SMG6: variants seen among roughly 807,000 people sequenced by gnomAD.
SMG6 encodes telomerase-binding protein EST1A.
Under a neutral mutation model 142.2 loss-of-function variants are expected in SMG6, and 66 were observed. The observed-to-expected ratio is 0.46, with a 90% CI of 0.38 to 0.57. The LOEUF is 0.57. Ranked by LOEUF, SMG6 falls within the 20% of genes least tolerant of loss-of-function variation. The pLI, the probability that SMG6 is intolerant of heterozygous loss-of-function variation, is 0.00. For synonymous variants in SMG6, 779 were observed against 702.4 expected, an observed-to-expected ratio of 1.11 and a Z score of -1.72; for missense variants, 1,793 against 1,832.0, an observed-to-expected ratio of 0.98 and a Z score of 0.39.
intron 13 of SMG6, among the ~76,000 whole-genome samples, chr17:2,098,641 G>A (rs892301702): frequency 2.6e-5 from 4 of 151,958 alleles, no homozygotes; most frequent in Non-Finnish European, 5.9e-5. Context: ...TTTTGTTGTT[G>A]TTGTTGTTGA....
At chr17:2,106,324 G>A (rs909384463) in intron 13 of SMG6, among the ~76,000 whole-genome samples, 4 of 152,114 alleles carry the variant, frequency 2.6e-5, no homozygotes, top group African/African-American at 9.7e-5. Context: ...ATTGTTCCAT[G>A]CCCTGTTATG....
At chr17:2,129,221 G>C (rs1464699179) in intron 13 of SMG6, among the ~76,000 whole-genome samples, 3 of 152,224 alleles carry the variant, frequency 2.0e-5, no homozygotes, top group Non-Finnish European at 1.5e-5. Context: ...AGTTACTCAG[G>C]AGGGTGAGGT....
chr17:2,214,853 C>T (rs915125650), intron 10 of SMG6, among the ~76,000 whole-genome samples: 22 of 152,170 alleles, frequency 1.4e-4, no homozygotes, highest in African/African-American at 4.8e-4. Flanking sequence ...AAACCTGTGA[C>T]GGACACCATT....
At chr17:2,242,455 G>A (rs1316550654) in intron 9 of SMG6, among the ~76,000 whole-genome samples, 4 of 150,276 alleles carry the variant, frequency 2.7e-5, no homozygotes, top group South Asian at 4.1e-4. Context: ...GCATGAACCC[G>A]GGAGGCGGAG....
Position 2,282,678 on chromosome 17 carries a change from T to C in SMG6, c.2630A>G (p.Glu877Gly). ...GTESGKDSEQ[E>G]NGLGSLSPSD... ...GGGACTCAGGCTGCCCAGCCCATTC[T>C]CTTGCTCAGAATCCTTCCCAGACTC... Residue 877 changes from glutamate (E) to glycine (G), a missense_variant, in exon 8 of 19, where the codon GAG (glutamate) becomes GGG (glycine). Glu to Gly is a moderately conservative substitution (Grantham distance 98). This residue lies in a region of SMG6 where 1,597 missense variants were observed against 1,584.6 expected (regional missense o/e 1.01). Transcript: ENST00000263073. 1.2e-6 allele frequency: 2 copies of C among 1,614,052 alleles called. No individual in the cohort carries two copies. The highest frequency in any genetic ancestry group is 1.7e-6 in the Non-Finnish European group (2 of 1,179,966).
In SMG6 at chr17:2,202,710, T is replaced by G. The variant is rs549892901; in HGVS notation, c.2870-14195A>C. ...TAACAAAGCCTTGGACAAGGTGTTT[T>G]GCGTATTTTATCTAACACTCAGAAA... On this transcript the variant is annotated intron_variant, in intron 10 of 18. Coordinates refer to ENST00000263073, the MANE Select transcript of SMG6 (RefSeq NM_017575.5). Among the ~76,000 whole-genome samples, 8 of 152,314 alleles carry G rather than the reference T, an allele frequency of 5.3e-5. No homozygotes were observed. In the East Asian group the frequency reaches 1.5e-3, roughly 29 times the overall value.
At chr17:2,089,660 C>G (rs556170519) in intron 13 of SMG6, 1 of 152,018 alleles carries the variant, frequency 6.6e-6, no homozygotes. Flanking sequence ...CAAGTCCACA[C>G]GCAAAGAACC....
chr17:2,239,855 A>G (rs756823279), intron 9 of SMG6: 5 of 152,268 alleles, frequency 3.3e-5, no homozygotes, highest in Non-Finnish European at 7.3e-5. Context: ...TCAGTCTTTG[A>G]ATTCCAAGAG....
intron 15 of SMG6, among the ~76,000 whole-genome samples, chr17:2,077,584 C>A (rs1218502599): frequency 1.3e-5 from 2 of 152,224 alleles, no homozygotes; most frequent in East Asian, 3.8e-4. Flanking sequence ...GCAGGAGGGC[C>A]TTAGTGTCTG....
intron 6 of SMG6, among the ~76,000 whole-genome samples, chr17:2,289,033 T>C (rs906380633): frequency 6.8e-6 from 1 of 146,180 alleles, no homozygotes; most frequent in Admixed American, 6.9e-5. Flanking sequence ...GAGCCGAGAT[T>C]GCGCCACTGC....
chr17:2,068,648 A>G lies in SMG6; in HGVS notation c.3835+130T>C. On this transcript the variant is annotated intron_variant, in intron 16 of 18. Coordinates refer to ENST00000263073, the MANE Select transcript of SMG6 (RefSeq NM_017575.5). This position sits in a 1 kb window ranked among gnomAD's most constrained non-coding sequence, Gnocchi z 6.7. The stretch of plus-strand genomic sequence containing the variant: ...GTTTTCTTTGCCCCACGCGTTCCCT[A>G]CTCCCCTGCAAATCCCATCTTACAC... The G allele has an allele frequency of 1.1e-6, 1 of 894,008 alleles. No homozygotes were observed. Among genetic ancestry groups the G allele is most frequent in the South Asian group, 1.7e-5 (1 of 58,012 alleles). 55.4% of individuals were successfully genotyped at this position (894,008 alleles called of 1,614,324 possible).
intron 14 of SMG6, among the ~76,000 whole-genome samples, chr17:2,084,724 C>A (rs968451693): frequency 6.6e-6 from 1 of 152,182 alleles, no homozygotes; most frequent in South Asian, 2.1e-4. Context: ...GAATCGCTTC[C>A]GTCCCTTCCC....
At chr17:2,292,743 A>T (rs2075065997) in intron 5 of SMG6, 113 bp from the exon 6 acceptor site, 3 of 1,447,106 alleles carry the variant, frequency 2.1e-6, no homozygotes, top group Non-Finnish European at 2.9e-6. Flanking sequence ...GTAACCCTGG[A>T]GGGGTAAGGC....
chr17:2,086,038 G>T, intron 13 of SMG6, 137 bp from the exon 14 acceptor site: 1 of 869,506 alleles, frequency 1.2e-6, no homozygotes, highest in African/African-American at 1.7e-5. Context: ...GAATGACGGG[G>T]TGCGGAGGGC....
In SMG6 at chr17:2,065,668, G is replaced by A. The variant is rs1342807956; in HGVS notation, c.3847C>T (p.Leu1283=). 3.7e-6 allele frequency: 6 copies of A among 1,612,374 alleles called. No individual in the cohort carries two copies. The highest frequency in any genetic ancestry group is 5.1e-6 in the Non-Finnish European group (6 of 1,179,836). Residue 1283 remains leucine, a synonymous_variant, in exon 17 of 19, where the codon CTG becomes TTG. Coordinates refer to ENST00000263073, the MANE Select transcript of SMG6 (RefSeq NM_017575.5). ...TCCTGCCCCTTGGCCAGGCCGTCCA[G>A]CTCATTGATCACTGATGAGATAGAG... ...LVVPLIVINE[L]DGLAKGQETD...
intron 10 of SMG6, among the ~76,000 whole-genome samples, chr17:2,226,720 C>A (rs2073331068): frequency 6.6e-6 from 1 of 152,058 alleles, no homozygotes. Context: ...CATGGTGAAA[C>A]CCCGTATCTA....
At chr17:2,283,757 A>G (rs112486719) in intron 6 of SMG6, 22 bp from the exon 7 acceptor site, 7 of 1,592,364 alleles carry the variant, frequency 4.4e-6, no homozygotes, top group African/African-American at 2.7e-5. Flanking sequence ...GGCCAGAGAC[A>G]TTCAGTCAAC....
At chr17:2,185,536 T>C (rs1255694488) in intron 12 of SMG6, among the ~76,000 whole-genome samples, 1 of 138,774 alleles carries the variant, frequency 7.2e-6, no homozygotes, top group Non-Finnish European at 1.5e-5. Context: ...ACACATAAAC[T>C]GATCTACGTA....
At chr17:2,183,435 G>A (rs1395915375) in intron 12 of SMG6, among the ~76,000 whole-genome samples, 3 of 152,140 alleles carry the variant, frequency 2.0e-5, no homozygotes, top group Non-Finnish European at 4.4e-5. Context: ...ATGGAACATG[G>A]ACAGAGATTG....
Sources: allele counts gnomAD v4.1 joint callset (sites outside exome capture counted in the v4.1 genomes callset), GRCh38; gene constraint gnomAD v4.1.1; regional missense constraint gnomAD v4.1.1; non-coding constraint Gnocchi (gnomAD v3.1); transcripts MANE v1.5; gene names NCBI Gene and HGNC (gene_info 2026-07-23, HGNC 2026-07-21).